Variants in HOOK3 observed in about 807,000 individuals in gnomAD.
HOOK3 encodes the protein hook microtubule tethering protein 3, also known as protein Hook homolog 3.
HOOK3 carries 24 observed loss-of-function variants against 116.3 expected under a neutral mutation model. The observed-to-expected ratio is 0.21, with a 90% CI of 0.15 to 0.29. The LOEUF is 0.29. Among genes scored for constraint, HOOK3 ranks in the 10% least tolerant of loss-of-function variants. The pLI is 1.00. For missense variants in HOOK3, 632 were observed against 830.2 expected (o/e 0.76, Z 2.93); for synonymous variants, 275 against 283.0 (o/e 0.97, Z 0.28).
chr8:42,934,726 TC>T (rs1807934003), intron 4 of HOOK3, among the ~76,000 whole-genome samples: 1 of 152,220 alleles, frequency 6.6e-6, no homozygotes, highest in Non-Finnish European at 1.5e-5. Flanking sequence ...CATGAACTCA[TC>T]CTTTTTTATG....
In HOOK3 at chr8:43,023,515, C is replaced by T. The variant is rs758650800; in HGVS notation, c.*5017C>T. 5.8e-6 allele frequency: 1 copy of T among 171,456 alleles called. No individual in the cohort carries two copies. Among genetic ancestry groups the T allele is most frequent in the Non-Finnish European group, 1.3e-5 (1 of 79,330 alleles). 10.6% of individuals were successfully genotyped at this position (171,456 alleles called of 1,614,324 possible). A position where few individuals can be genotyped will look rare whatever the true frequency, so the allele number is the denominator to read the frequency against. Reference sequence around the variant, plus strand: ...TCCCCCAGGCTGGAGTGCAGAGGCACGATCCTGGCTGACTGCAAACTCTGC... The same window carrying T: ...TCCCCCAGGCTGGAGTGCAGAGGCATGATCCTGGCTGACTGCAAACTCTGC... On this transcript the variant is annotated 3_prime_UTR_variant, in exon 22 of 22. Coordinates refer to ENST00000307602, the MANE Select transcript of HOOK3 (RefSeq NM_032410.4).
chr8:42,906,772 A>G (rs987870170), intron 2 of HOOK3, among the ~76,000 whole-genome samples: 1 of 152,206 alleles, frequency 6.6e-6, no homozygotes, highest in African/African-American at 2.4e-5. Flanking sequence ...ACACATATAC[A>G]CAGAATGTAA....
chr8:43,020,581 G>A lies in HOOK3; in HGVS notation c.*2083G>A. 5.7e-6 allele frequency: 1 copy of A among 174,938 alleles called. No individual in the cohort carries two copies. The highest frequency in any genetic ancestry group is 1.0e-4 in the East Asian group (1 of 10,050). The allele number at this position is 174,938 out of a possible 1,614,324, so 10.8% of individuals were successfully genotyped here. ...TTACAAAAATTAGCTGGGCATGGTG[G>A]CATGTGGCTGTAATCCCAGCTACTT... On this transcript the variant is annotated 3_prime_UTR_variant, in exon 22 of 22. Coordinates refer to ENST00000307602, the MANE Select transcript of HOOK3 (RefSeq NM_032410.4).
Position 43,000,181 on chromosome 8 carries a change from A to T in HOOK3, c.1621-1926A>T, listed in dbSNP as rs529328768. The T allele has an allele frequency of 6.8e-5, 53 of 774,540 alleles. 1 individual carries two copies. In the South Asian group the frequency reaches 7.3e-4, roughly 11 times the overall value. 48.0% of individuals were successfully genotyped at this position (774,540 alleles called of 1,614,324 possible). Reference sequence around the variant, plus strand: ...AAGTACTTATCTTTTACTTCTGTTCATGAATTACTAAATCGTTGCTTCTCT... The same window carrying T: ...AAGTACTTATCTTTTACTTCTGTTCTTGAATTACTAAATCGTTGCTTCTCT... On this transcript the variant is annotated intron_variant, in intron 16 of 21. Transcript: ENST00000307602.
At chr8:43,012,651 GCACAGTGA>G (rs936756377) in intron 19 of HOOK3, among the ~76,000 whole-genome samples, 9 of 151,980 alleles carry the variant, frequency 5.9e-5, no homozygotes, top group Non-Finnish European at 8.8e-5. Context: ...CCAGGCTGGA[GCACAGTGA>G]CATGATCTCA....
intron 9 of HOOK3, among the ~76,000 whole-genome samples, chr8:42,965,470 GC>G (rs1344343252): frequency 6.6e-6 from 1 of 152,126 alleles, no homozygotes; most frequent in Admixed American, 6.6e-5. Flanking sequence ...AGGAAGAAGG[GC>G]CCTTTGACCT....
chr8:42,968,133 T>C lies in HOOK3; in HGVS notation c.1041T>C (p.Tyr347=). Residue 347 remains tyrosine, a synonymous_variant, in exon 11 of 22, where the codon TAT becomes TAC. Coordinates refer to ENST00000307602, the MANE Select transcript of HOOK3 (RefSeq NM_032410.4). ...TCTTAGAAGAGAAGAATACCATGTA[T>C]ATGCAGAATACTGTCAGTCTAGAGG... The part of the protein sequence containing the change: ...VKLLEEKNTM[Y]MQNTVSLEEE... 2 of 1,613,556 alleles carry C rather than the reference T, an allele frequency of 1.2e-6. No homozygotes were observed. The highest frequency in any genetic ancestry group is 1.7e-6 in the Non-Finnish European group (2 of 1,179,526).
chr8:42,909,735 G>A (rs1050686624), intron 2 of HOOK3, among the ~76,000 whole-genome samples: 1 of 152,158 alleles, frequency 6.6e-6, no homozygotes, highest in African/African-American at 2.4e-5. Context: ...AAAGTGCTGA[G>A]ATTAAAGGCG....
chr8:42,970,739 C>CT (rs1261678291), intron 11 of HOOK3, among the ~76,000 whole-genome samples: 4 of 145,270 alleles, frequency 2.8e-5, no homozygotes, highest in South Asian at 4.3e-4. Context: ...TGTAGATTCT[C>CT]TTGTCAGAAG....
At chr8:42,925,715 GAGCTT>G (rs1231850365) in intron 3 of HOOK3, 86 bp downstream of exon 3, 1 of 851,530 alleles carries the variant, frequency 1.2e-6, no homozygotes, top group Non-Finnish European at 1.9e-6. Flanking sequence ...TGTGTCCAGT[GAGCTT>G]TAGAAGCTTA....
intron 1 of HOOK3, among the ~76,000 whole-genome samples, chr8:42,904,666 T>C (rs1807267908): frequency 6.6e-6 from 1 of 152,190 alleles, no homozygotes; most frequent in African/African-American, 2.4e-5. Flanking sequence ...GTTCAAATCC[T>C]TTGCTTACTT....
intron 3 of HOOK3, among the ~76,000 whole-genome samples, 191 bp from the exon 4 acceptor site, chr8:42,929,931 T>G (rs1807842502): frequency 6.6e-6 from 1 of 152,204 alleles, no homozygotes; most frequent in Admixed American, 6.5e-5. Context: ...TAATTTGTTT[T>G]ATAAATCTCT....
chr8:42,929,498 G>T (rs1807833263), intron 3 of HOOK3, among the ~76,000 whole-genome samples: 2 of 152,130 alleles, frequency 1.3e-5, no homozygotes, highest in South Asian at 4.1e-4. Context: ...AAAACTGTAT[G>T]AGTTGGGTCA....
In HOOK3 at chr8:43,023,384, T is replaced by TTAC. The variant is rs1809866211; in HGVS notation, c.*4887_*4888insACT. On this transcript the variant is annotated 3_prime_UTR_variant, in exon 22 of 22. Coordinates refer to ENST00000307602, the MANE Select transcript of HOOK3 (RefSeq NM_032410.4). Reference sequence around the variant, plus strand: ...GAGCCACTTTGCTATCTCTCCTTCCTTCCTCCTTCCTTCCTTCCTTCCTTC... The same window carrying TTAC: ...GAGCCACTTTGCTATCTCTCCTTCCTTACTCCTCCTTCCTTCCTTCCTTCCTTC... 1 of 126,406 alleles carries TTAC rather than the reference T, an allele frequency of 7.9e-6. No homozygotes were observed. Among genetic ancestry groups the TTAC allele is most frequent in the African/African-American group, 2.9e-5 (1 of 34,246 alleles). The allele number at this position is 126,406 out of a possible 1,614,324, so 7.8% of individuals were successfully genotyped here.
intron 14 of HOOK3, 53 bp downstream of exon 14, chr8:42,982,749 C>T (rs1343663928): frequency 1.7e-5 from 19 of 1,126,562 alleles, no homozygotes; most frequent in Middle Eastern, 1.9e-4. Flanking sequence ...TTGGAGAAAA[C>T]GTACTTCTCT....
rs993984342 is a variant in HOOK3, at chr8:43,028,855, C to T, written c.*10357C>T. On this transcript the variant is annotated 3_prime_UTR_variant, in exon 22 of 22. Transcript: ENST00000307602. ...GAAATCTTGATGCTTTCTTCTTTCTCTTTAAATTTTTGTAATCAAGCAACA... is the reference window on the plus strand; with the variant it reads ...GAAATCTTGATGCTTTCTTCTTTCTTTTTAAATTTTTGTAATCAAGCAACA... 2.0e-5 allele frequency: 4 copies of T among 199,608 alleles called. No individual in the cohort carries two copies. The highest frequency in any genetic ancestry group is 4.1e-5 in the Non-Finnish European group (4 of 96,624). The allele number at this position is 199,608 out of a possible 1,614,324, so 12.4% of individuals were successfully genotyped here.
chr8:43,004,724 A>G (rs1465274813), intron 17 of HOOK3, among the ~76,000 whole-genome samples: 1 of 151,688 alleles, frequency 6.6e-6, no homozygotes, highest in Non-Finnish European at 1.5e-5. Context: ...ACCATTTTAC[A>G]CATCAAATTG....
chr8:42,918,430 A>T (rs553895007), intron 2 of HOOK3, among the ~76,000 whole-genome samples: 19 of 152,026 alleles, frequency 1.2e-4, no homozygotes, highest in South Asian at 6.2e-4. Flanking sequence ...ATTTTTTTTT[A>T]AATTTTTTTA....
chr8:42,994,176 C>T (rs1011518638), intron 15 of HOOK3, among the ~76,000 whole-genome samples: 13 of 152,012 alleles, frequency 8.6e-5, no homozygotes, highest in East Asian at 3.9e-4. Flanking sequence ...CCACCACCCC[C>T]GGCTAATTTT....
Sources: gnomAD v4.1 joint callset for allele counts (sites outside exome capture counted in the v4.1 genomes callset) on GRCh38, gnomAD v4.1.1 for gene constraint, MANE v1.5 for transcripts, NCBI Gene and HGNC (gene_info 2026-07-23, HGNC 2026-07-21) for gene names.